TRAPPC9: variants seen among roughly 807,000 people sequenced by gnomAD.
TRAPPC9 encodes the protein IKK2 binding protein.
In TRAPPC9, 83 loss-of-function variants were observed where a neutral mutation model predicts 124.0. That is an observed-to-expected ratio of 0.67 (90% CI 0.56 to 0.80). The LOEUF (loss-of-function observed/expected upper bound fraction) is 0.80, where lower values mean the gene tolerates loss of function less well. TRAPPC9 is among the 30% of genes least tolerant of loss of function. The pLI, the probability that TRAPPC9 is intolerant of heterozygous loss-of-function variation, is 0.00. For missense variants in TRAPPC9, 1,302 were observed against 1,508.3 expected, an observed-to-expected ratio of 0.86 and a Z score of 2.27; for synonymous variants, 638 against 617.5, an observed-to-expected ratio of 1.03 and a Z score of -0.49.
intron 9 of TRAPPC9, among the ~76,000 whole-genome samples, chr8:140,350,115 A>C (rs1588196399): frequency 6.6e-6 from 1 of 152,240 alleles, no homozygotes; most frequent in Non-Finnish European, 1.5e-5. Flanking sequence ...CTTGGTTAGG[A>C]AGACGCGCCT....
chr8:140,233,623 C>CCCCACACACACACACACA (rs757413376), intron 16 of TRAPPC9, among the ~76,000 whole-genome samples: 1 of 90,848 alleles, frequency 1.1e-5, no homozygotes, highest in Non-Finnish European at 2.1e-5. Context: ...TCTCTCCCCA[C>CCCCACACACACACACACA]CACACACACA....
intron 19 of TRAPPC9, among the ~76,000 whole-genome samples, chr8:139,927,990 C>T (rs1474320352): frequency 1.3e-5 from 2 of 152,208 alleles, no homozygotes; most frequent in Non-Finnish European, 1.5e-5. Flanking sequence ...GTGATAGCAA[C>T]ATTTGTTATA....
intron 20 of TRAPPC9, among the ~76,000 whole-genome samples, chr8:139,892,908 G>A (rs1189859760): frequency 6.6e-6 from 1 of 152,206 alleles, no homozygotes; most frequent in Non-Finnish European, 1.5e-5. Context: ...TATCAGCCAG[G>A]GGGAGGGGCC....
intron 16 of TRAPPC9, among the ~76,000 whole-genome samples, chr8:140,249,139 G>A (rs898582819): frequency 6.6e-6 from 1 of 151,650 alleles, no homozygotes; most frequent in Non-Finnish European, 1.5e-5. Context: ...CGGACAGTGA[G>A]CGTGCTGCCC....
At chr8:140,051,576 CTTTTTTTTTTT>C (rs1197128988) in intron 17 of TRAPPC9, among the ~76,000 whole-genome samples, 2 of 88,026 alleles carry the variant, frequency 2.3e-5, no homozygotes, top group African/African-American at 9.4e-5. Context: ...ATTGTTCATT[CTTTTTTTTTTT>C]TTTTTTTTTT....
intron 10 of TRAPPC9, among the ~76,000 whole-genome samples, chr8:140,302,408 CA>C (rs1371301484): frequency 6.6e-6 from 1 of 152,204 alleles, no homozygotes; most frequent in Non-Finnish European, 1.5e-5. Flanking sequence ...CTGCTGAGGA[CA>C]GGGGCACCAG....
chr8:140,287,514 T>G (rs6999767), intron 13 of TRAPPC9, 94 bp downstream of exon 13: 2 of 1,512,958 alleles, frequency 1.3e-6, no homozygotes, highest in Admixed American at 3.4e-5. Flanking sequence ...TGGTTAGGAC[T>G]GGCATGACGG....
At chr8:140,379,621 T>A (rs1009653249) in intron 7 of TRAPPC9, among the ~76,000 whole-genome samples, 20 of 152,226 alleles carry the variant, frequency 1.3e-4, no homozygotes, top group African/African-American at 4.8e-4. Context: ...GTTTGCCTTA[T>A]AAAAGAATTA....
At chr8:139,998,413 A>G (rs1486902078) in intron 18 of TRAPPC9, among the ~76,000 whole-genome samples, 1 of 152,244 alleles carries the variant, frequency 6.6e-6, no homozygotes, top group Non-Finnish European at 1.5e-5. Flanking sequence ...ATTTCCTATT[A>G]AGTTACTTAA....
chr8:140,133,094 C>A (rs750168266), intron 17 of TRAPPC9, among the ~76,000 whole-genome samples: 23 of 152,132 alleles, frequency 1.5e-4, no homozygotes, highest in Non-Finnish European at 1.5e-5. Flanking sequence ...CAAGATCAAG[C>A]CAAAGACATC....
At chr8:140,065,601 A>G (rs568729413) in intron 17 of TRAPPC9, among the ~76,000 whole-genome samples, 9 of 152,382 alleles carry the variant, frequency 5.9e-5, no homozygotes, top group Middle Eastern at 6.8e-3. Flanking sequence ...ACCCCTAAGA[A>G]TGATGCTAAA....
chr8:139,917,402 G>C (rs1421046374), intron 19 of TRAPPC9, among the ~76,000 whole-genome samples: 1 of 151,842 alleles, frequency 6.6e-6, no homozygotes, highest in Non-Finnish European at 1.5e-5. Context: ...GGATGGTCTC[G>C]ATCTCCTGAC....
chr8:139,970,401 A>C (rs565709158), intron 19 of TRAPPC9, among the ~76,000 whole-genome samples: 195 of 152,254 alleles, frequency 1.3e-3, no homozygotes, highest in African/African-American at 4.6e-3. Context: ...GCATTTGAGG[A>C]CTCAAGAATG....
intron 15 of TRAPPC9, 50 bp downstream of exon 15, chr8:140,275,607 CA>C (rs2065088260): frequency 6.4e-7 from 1 of 1,574,256 alleles, no homozygotes; most frequent in Non-Finnish European, 8.7e-7. Context: ...ATCTCTTCTA[CA>C]AGTAAACAAT....
At chr8:140,439,928 G>A (rs990051017) in intron 2 of TRAPPC9, among the ~76,000 whole-genome samples, 20 of 151,848 alleles carry the variant, frequency 1.3e-4, no homozygotes, top group Admixed American at 8.5e-4. Flanking sequence ...AACTTATCAA[G>A]AATAAAACTC....
chr8:139,841,686 C>A (rs1006430415), intron 21 of TRAPPC9, among the ~76,000 whole-genome samples: 2 of 152,188 alleles, frequency 1.3e-5, no homozygotes, highest in Non-Finnish European at 2.9e-5. Context: ...AGGCAGAATT[C>A]GCAGAACCCA....
chr8:139,924,816 A>C (rs1018502442), intron 19 of TRAPPC9, among the ~76,000 whole-genome samples: 1 of 152,222 alleles, frequency 6.6e-6, no homozygotes, highest in African/African-American at 2.4e-5. Flanking sequence ...CTACAGAGTG[A>C]GGGAATTACA....
At chr8:140,116,751 C>T (rs899636002) in intron 17 of TRAPPC9, among the ~76,000 whole-genome samples, 1 of 152,106 alleles carries the variant, frequency 6.6e-6, no homozygotes, top group Non-Finnish European at 1.5e-5. Flanking sequence ...GAGAAGAGAT[C>T]TATGGTTTCT....
intron 17 of TRAPPC9, among the ~76,000 whole-genome samples, chr8:140,078,815 C>G (rs1426152626): frequency 6.6e-6 from 1 of 152,142 alleles, no homozygotes; most frequent in Non-Finnish European, 1.5e-5. Flanking sequence ...CAGTCACCAC[C>G]AGTCAACAGG....
Sources: allele counts gnomAD v4.1 joint callset (sites outside exome capture counted in the v4.1 genomes callset), GRCh38; gene constraint gnomAD v4.1.1; transcripts MANE v1.5; gene names NCBI Gene and HGNC (gene_info 2026-07-23, HGNC 2026-07-21).